The following TRDN variants were observed in gnomAD, a reference collection of about 807,000 sequenced individuals.
TRDN encodes triadin in skeletal muscle.
A neutral mutation model predicts 149.7 loss-of-function variants in TRDN; 161 were observed. The ratio of observed to expected loss-of-function variants is 1.08; its 90% CI spans 0.95 to 1.23. The LOEUF (loss-of-function observed/expected upper bound fraction) is 1.23, where lower values mean the gene tolerates loss of function less well. Ranked by LOEUF, TRDN falls within the 50% of genes most tolerant of loss-of-function variation. The pLI is 0.00. For missense variants in TRDN, 896 were observed against 823.5 expected, an observed-to-expected ratio of 1.09 and a Z score of -1.08; for synonymous variants, 294 against 250.5, an observed-to-expected ratio of 1.17 and a Z score of -1.64.
At chr6:123,455,768 G>T (rs765945455) in intron 10 of TRDN, among the ~76,000 whole-genome samples, 20 of 152,054 alleles carry the variant, frequency 1.3e-4, no homozygotes, top group Non-Finnish European at 2.9e-4. Flanking sequence ...TGTAGAAATA[G>T]TAAAGAAAAC....
intron 39 of TRDN, among the ~76,000 whole-genome samples, chr6:123,222,453 TA>T (rs1368939735): frequency 6.7e-6 from 1 of 148,176 alleles, no homozygotes; most frequent in Non-Finnish European, 1.5e-5. Flanking sequence ...GGTCTATGAG[TA>T]AAAAACCTAT....
At chr6:123,281,245 G>A (rs368481193) in intron 24 of TRDN, among the ~76,000 whole-genome samples, 2 of 151,982 alleles carry the variant, frequency 1.3e-5, no homozygotes, top group African/African-American at 4.8e-5. Context: ...TTGTTTCCTG[G>A]GTTCTCAGAA....
intron 32 of TRDN, among the ~76,000 whole-genome samples, chr6:123,266,742 TATTATA>T (rs1176519526): frequency 4.7e-5 from 1 of 21,094 alleles, no homozygotes; most frequent in African/African-American, 1.5e-4. Flanking sequence ...ATATGTAATA[TATTATA>T]ATATGTATTA....
At position 123,497,182 on chromosome 6, in the gene TRDN, G is replaced by A. The variant is rs1406054888; in HGVS notation, c.853+11C>T. ...ATTAAAACAGACAAGTACAAGAATT[G>A]CTTGGAATACCTGGTTTTAAATCCC... On this transcript the variant is annotated intron_variant, in intron 9 of 40. Transcript: ENST00000334268. The A allele has an allele frequency of 2.6e-6, 4 of 1,534,638 alleles. No homozygotes were observed. The African/African-American group carries it at 4.2e-5, about 16-fold the overall frequency.
At chr6:123,237,998 A>T (rs1187899678) in intron 38 of TRDN, among the ~76,000 whole-genome samples, 4 of 152,200 alleles carry the variant, frequency 2.6e-5, no homozygotes, top group Non-Finnish European at 4.4e-5. Context: ...ACATTAAAAG[A>T]TGCTTAAAAG....
chr6:123,273,637 A>C (rs780227101), intron 27 of TRDN, among the ~76,000 whole-genome samples: 3 of 152,048 alleles, frequency 2.0e-5, no homozygotes, highest in Non-Finnish European at 4.4e-5. Context: ...GGCTGTTATG[A>C]TCCTTAATAT....
At chr6:123,330,170 A>T (rs1201315297) in intron 23 of TRDN, among the ~76,000 whole-genome samples, 1 of 152,082 alleles carries the variant, frequency 6.6e-6, no homozygotes, top group Non-Finnish European at 1.5e-5. Flanking sequence ...GATATATATA[A>T]TATTCCTGTC....
chr6:123,329,476 A>G (rs1178997563), intron 23 of TRDN, among the ~76,000 whole-genome samples: 1 of 152,096 alleles, frequency 6.6e-6, no homozygotes, highest in East Asian at 1.9e-4. Flanking sequence ...GACTGTTCCA[A>G]TATGTGTGAG....
At chr6:123,246,625 C>T (rs1022042634) in intron 38 of TRDN, among the ~76,000 whole-genome samples, 1 of 151,814 alleles carries the variant, frequency 6.6e-6, no homozygotes, top group African/African-American at 2.4e-5. Context: ...GGCCCACGAG[C>T]AGATGGATTC....
rs141931243 is a variant in TRDN at position 123,440,602 on chromosome 6, T to G, written c.932-1599A>C. ...AGGGGTTAATTAAAATACAAATGAC[T>G]TGTAAATATTTCTAAGCTCAAGCTA... On this transcript the variant is annotated intron_variant, in intron 10 of 40. Transcript: ENST00000334268. 6.4e-3 allele frequency among the ~76,000 whole-genome samples: 969 copies of G among 152,300 alleles called. 8 individuals carry two copies. Among genetic ancestry groups the G allele is most frequent in the African/African-American group, 0.022 (910 of 41,562 alleles).
At chr6:123,239,042 T>C (rs1312222975) in intron 38 of TRDN, among the ~76,000 whole-genome samples, 1 of 152,148 alleles carries the variant, frequency 6.6e-6, no homozygotes, top group African/African-American at 2.4e-5. Context: ...GGTTTCACCA[T>C]GTAGGCCAGG....
intron 21 of TRDN, among the ~76,000 whole-genome samples, chr6:123,345,018 C>G (rs1265792909): frequency 6.6e-6 from 1 of 151,986 alleles, no homozygotes; most frequent in African/African-American, 2.4e-5. Context: ...AACATCTTTT[C>G]ATATGCTTAT....
intron 38 of TRDN, among the ~76,000 whole-genome samples, chr6:123,227,709 A>G (rs1162028862): frequency 3.3e-5 from 5 of 151,014 alleles, no homozygotes; most frequent in South Asian, 2.1e-4. Context: ...CAACCATATG[A>G]GGCAAGGACT....
chr6:123,253,064 A>G (rs907948686), intron 37 of TRDN, among the ~76,000 whole-genome samples: 1 of 152,102 alleles, frequency 6.6e-6, no homozygotes, highest in Admixed American at 6.6e-5. Flanking sequence ...TAGATAAAAT[A>G]AATAATTACC....
At chr6:123,278,485 C>T in intron 25 of TRDN, 138 bp from the exon 26 acceptor site, 1 of 510,384 alleles carries the variant, frequency 2.0e-6, no homozygotes, top group Non-Finnish European at 3.0e-6. Context: ...TCGAAAAGTT[C>T]ATGTCATATT....
At chr6:123,237,272 T>A (rs1009937142) in intron 38 of TRDN, among the ~76,000 whole-genome samples, 1 of 152,024 alleles carries the variant, frequency 6.6e-6, no homozygotes, top group African/African-American at 2.4e-5. Context: ...TTTTTTGAGA[T>A]GGAGTCTCGC....
chr6:123,495,031 G>A (rs1778384748), intron 9 of TRDN, among the ~76,000 whole-genome samples: 1 of 151,858 alleles, frequency 6.6e-6, no homozygotes, highest in African/African-American at 2.4e-5. Flanking sequence ...ACCTGGCCCG[G>A]CCAGATTGAA....
chr6:123,517,422 C>T lies in TRDN; in HGVS notation c.485-1216G>A, dbSNP rs75164591. 3.4e-3 allele frequency among the ~76,000 whole-genome samples: 517 copies of T among 152,120 alleles called. 24 individuals carry two copies. The East Asian group carries it at 0.092, about 27-fold the overall frequency. The stretch of plus-strand genomic sequence containing the variant: ...TTATATTTTTATGTCTCATATTAAC[C>T]TTTCTAACATGAAAATTCGATATCA... On this transcript the variant is annotated intron_variant, in intron 5 of 40. Coordinates refer to ENST00000334268, the MANE Select transcript of TRDN (RefSeq NM_006073.4).
intron 19 of TRDN, among the ~76,000 whole-genome samples, chr6:123,368,484 G>A (rs1253719569): frequency 6.6e-6 from 1 of 152,198 alleles, no homozygotes; most frequent in Admixed American, 6.5e-5. Context: ...GGGCAACAGA[G>A]CTTTGAGATT....
Sources: gnomAD v4.1 joint callset for allele counts (sites outside exome capture counted in the v4.1 genomes callset) on GRCh38, gnomAD v4.1.1 for gene constraint, MANE v1.5 for transcripts, NCBI Gene and HGNC (gene_info 2026-07-23, HGNC 2026-07-21) for gene names.